COL25A1: variants seen among roughly 807,000 people sequenced by gnomAD.
COL25A1 encodes collagen alpha-1(XXV) chain.
COL25A1 carries 103 observed loss-of-function variants against 128.4 expected under a neutral mutation model. The observed-to-expected ratio is 0.80, with a 90% CI of 0.68 to 0.94. The LOEUF (loss-of-function observed/expected upper bound fraction) is 0.94, where lower values mean the gene tolerates loss of function less well. Among genes scored for constraint, COL25A1 ranks in the 40% least tolerant of loss-of-function variants. The pLI is 0.00. For missense variants in COL25A1, 745 were observed against 840.0 expected (o/e 0.89, Z 1.40); for synonymous variants, 279 against 277.2 (o/e 1.01, Z -0.06).
chr4:108,878,427 A>G (rs1035263780), intron 19 of COL25A1, among the ~76,000 whole-genome samples: 2 of 152,162 alleles, frequency 1.3e-5, no homozygotes, highest in African/African-American at 4.8e-5. Flanking sequence ...TTGACACTGA[A>G]TGCATTAGCC....
intron 3 of COL25A1, among the ~76,000 whole-genome samples, chr4:109,097,942 G>A (rs769411978): frequency 6.6e-6 from 1 of 151,952 alleles, no homozygotes; most frequent in African/African-American, 2.4e-5. Context: ...GATTACAGAC[G>A]TGAGCCACCG....
chr4:109,069,063 A>C (rs1413530849), intron 3 of COL25A1, among the ~76,000 whole-genome samples: 1 of 151,634 alleles, frequency 6.6e-6, no homozygotes, highest in Non-Finnish European at 1.5e-5. Context: ...TTCACTTTAT[A>C]ATTTAACCAC....
chr4:108,831,798 C>A (rs2125729114), intron 32 of COL25A1, among the ~76,000 whole-genome samples: 1 of 151,750 alleles, frequency 6.6e-6, no homozygotes, highest in South Asian at 2.1e-4. Context: ...TTTTTTCCCC[C>A]AAAAGATATG....
intron 3 of COL25A1, among the ~76,000 whole-genome samples, chr4:109,134,197 T>TG (rs1375140140): frequency 1.3e-4 from 20 of 151,224 alleles, no homozygotes; most frequent in African/African-American, 4.4e-4. Flanking sequence ...ATAGGAGGTT[T>TG]TTTTTTTTTT....
chr4:109,295,226 C>A (rs1442543496), intron 3 of COL25A1, among the ~76,000 whole-genome samples: 1 of 151,988 alleles, frequency 6.6e-6, no homozygotes, highest in Non-Finnish European at 1.5e-5. Context: ...AGCTAAGAAA[C>A]AAGAACATTG....
chr4:109,014,191 C>A (rs1756986372), intron 5 of COL25A1, among the ~76,000 whole-genome samples: 1 of 152,052 alleles, frequency 6.6e-6, no homozygotes, highest in African/African-American at 2.4e-5. Context: ...CCTGTAATTC[C>A]ACCTACTTGG....
intron 3 of COL25A1, among the ~76,000 whole-genome samples, chr4:109,142,406 G>A (rs545951992): frequency 1.2e-3 from 185 of 152,272 alleles, no homozygotes; most frequent in African/African-American, 3.6e-3. Context: ...GATTTGGGGT[G>A]GAGAGTTCTG....
At chr4:109,276,046 T>C (rs952485803) in intron 3 of COL25A1, among the ~76,000 whole-genome samples, 1 of 152,206 alleles carries the variant, frequency 6.6e-6, no homozygotes, top group Admixed American at 6.5e-5. Flanking sequence ...TATACTGCTG[T>C]CATAGAACTG....
At chr4:109,173,218 T>C (rs761271621) in intron 3 of COL25A1, among the ~76,000 whole-genome samples, 2 of 151,904 alleles carry the variant, frequency 1.3e-5, no homozygotes, top group African/African-American at 4.8e-5. Flanking sequence ...CCTGAATAGC[T>C]AGGACTACAG....
chr4:109,143,482 T>C (rs920346201), intron 3 of COL25A1, among the ~76,000 whole-genome samples: 2 of 152,216 alleles, frequency 1.3e-5, no homozygotes, highest in East Asian at 1.9e-4. Context: ...TTCTCCTGGA[T>C]AATATCCTAA....
At chr4:108,978,290 C>A (rs974771162) in intron 6 of COL25A1, among the ~76,000 whole-genome samples, 2 of 152,226 alleles carry the variant, frequency 1.3e-5, no homozygotes, top group African/African-American at 4.8e-5. Flanking sequence ...CCGGCCCCGA[C>A]TTGTGCACTT....
chr4:109,250,358 C>G (rs1780561959), intron 3 of COL25A1, among the ~76,000 whole-genome samples: 2 of 61,632 alleles, frequency 3.2e-5, no homozygotes, highest in East Asian at 7.5e-4. Flanking sequence ...AGAAATTGAA[C>G]AAGTAGGAGA....
chr4:109,238,778 C>A (rs1779635158), intron 3 of COL25A1, among the ~76,000 whole-genome samples: 1 of 152,032 alleles, frequency 6.6e-6, no homozygotes, highest in Non-Finnish European at 1.5e-5. Context: ...CTCTGTATAT[C>A]CTTGGTCCAG....
chr4:108,944,959 T>C (rs531568665), intron 8 of COL25A1, among the ~76,000 whole-genome samples: 1 of 152,174 alleles, frequency 6.6e-6, no homozygotes, highest in East Asian at 1.9e-4. Context: ...TGTAGCAAAG[T>C]AAAAAGGGGA....
intron 3 of COL25A1, among the ~76,000 whole-genome samples, chr4:109,071,146 A>G (rs1375593393): frequency 6.6e-6 from 1 of 152,114 alleles, no homozygotes; most frequent in Non-Finnish European, 1.5e-5. Flanking sequence ...AATACCACAC[A>G]TCTACAACCA....
Position 108,869,143 on chromosome 4 carries a change from G to A in COL25A1, c.1028C>T (p.Pro343Leu), listed in dbSNP as rs752714150. Residue 343 changes from proline to leucine, a missense_variant, in exon 20 of 38, where the codon CCA becomes CTA. By Grantham distance (98) the Pro-to-Leu change is moderately conservative. Transcript: ENST00000399132. ...LPGLPGIKGE[P>L]GFIGPQGEPG... ...TTCTCCTTGAGGACCAATGAAACCT[G>A]GTTCTCCCTTTAAAAACATGGGCAT... 7 of 1,533,776 alleles carry A rather than the reference G, an allele frequency of 4.6e-6. No individual in the cohort carries two copies. The Admixed American group carries it at 1.6e-4, about 34-fold the overall frequency.
intron 3 of COL25A1, among the ~76,000 whole-genome samples, chr4:109,292,358 C>T (rs1724554635): frequency 6.6e-6 from 1 of 152,028 alleles, no homozygotes; most frequent in African/African-American, 2.4e-5. Flanking sequence ...TATGTTATGG[C>T]TCACAAAGTT....
intron 3 of COL25A1, among the ~76,000 whole-genome samples, chr4:109,067,051 A>T (rs1762510207): frequency 6.6e-6 from 1 of 152,154 alleles, no homozygotes; most frequent in African/African-American, 2.4e-5. Flanking sequence ...CAATATTTGC[A>T]ACTTCTTATA....
At chr4:109,148,271 TA>T (rs537130588) in intron 3 of COL25A1, among the ~76,000 whole-genome samples, 1 of 152,238 alleles carries the variant, frequency 6.6e-6, no homozygotes, top group Non-Finnish European at 1.5e-5. Flanking sequence ...TTTCCAGATA[TA>T]AAAAAATTGA....
Sources: allele counts gnomAD v4.1 joint callset (sites outside exome capture counted in the v4.1 genomes callset), GRCh38; gene constraint gnomAD v4.1.1; transcripts MANE v1.5; gene names NCBI Gene and HGNC (gene_info 2026-07-23, HGNC 2026-07-21).